CSTPP1: variants seen among roughly 807,000 people sequenced by gnomAD.
CSTPP1 encodes the protein UPF0705 protein C11orf49.
the CSTPP1 span, among the ~76,000 whole-genome samples, chr11:47,116,423 G>T: frequency 1.2e-4 from 19 of 152,142 alleles, no homozygotes; most frequent in African/African-American, 4.3e-4. Flanking sequence ...GGGTGTTAAA[G>T]TCTCCCATTA....
chr11:47,023,899 C>T, the CSTPP1 span, among the ~76,000 whole-genome samples: 1 of 152,122 alleles, frequency 6.6e-6, no homozygotes, highest in Non-Finnish European at 1.5e-5. Context: ...AGTAATATTG[C>T]TGTGAACATG....
the CSTPP1 span, among the ~76,000 whole-genome samples, chr11:46,988,288 G>A: frequency 6.6e-6 from 1 of 152,088 alleles, no homozygotes; most frequent in Non-Finnish European, 1.5e-5. Flanking sequence ...ACTGTTTAGA[G>A]TACTAAGATT....
At chr11:47,093,627 C>T in the CSTPP1 span, among the ~76,000 whole-genome samples, 15 of 152,272 alleles carry the variant, frequency 9.9e-5, no homozygotes, top group Admixed American at 9.2e-4. Context: ...TTTTGAGCCA[C>T]CAGACATAGG....
At chr11:47,156,798 C>T in the CSTPP1 span, among the ~76,000 whole-genome samples, 1 of 152,188 alleles carries the variant, frequency 6.6e-6, no homozygotes, top group Admixed American at 6.5e-5. Context: ...CCAGGAACAA[C>T]TGAGCCAAGG....
chr11:47,069,206 C>T, the CSTPP1 span, among the ~76,000 whole-genome samples: 1 of 152,170 alleles, frequency 6.6e-6, no homozygotes, highest in Admixed American at 6.5e-5. Flanking sequence ...TTCAACCCTT[C>T]CCCATTGTGT....
the CSTPP1 span, among the ~76,000 whole-genome samples, chr11:46,994,575 C>T: frequency 6.6e-6 from 1 of 152,098 alleles, no homozygotes; most frequent in Non-Finnish European, 1.5e-5. Flanking sequence ...TGATGGATTA[C>T]ATTTATTGAT....
chr11:47,090,314 A>G, the CSTPP1 span, among the ~76,000 whole-genome samples: 2 of 152,190 alleles, frequency 1.3e-5, no homozygotes, highest in Non-Finnish European at 2.9e-5. Flanking sequence ...GGTATCTACT[A>G]TGGTCCAAGA....
At chr11:46,962,651 G>C in the CSTPP1 span, among the ~76,000 whole-genome samples, 1 of 152,020 alleles carries the variant, frequency 6.6e-6, no homozygotes, top group Non-Finnish European at 1.5e-5. Context: ...ATACTTCTTT[G>C]TTAAATGTGT....
the CSTPP1 span, among the ~76,000 whole-genome samples, chr11:46,937,937 A>G: frequency 5.9e-4 from 90 of 152,164 alleles, no homozygotes; most frequent in African/African-American, 2.1e-3. Context: ...CCTGTTGCCC[A>G]GGCTGGAGTA....
At chr11:47,052,472 T>C in the CSTPP1 span, 1 of 1,614,110 alleles carries the variant, frequency 6.2e-7, no homozygotes, top group Admixed American at 1.7e-5. Flanking sequence ...GGGTATCATT[T>C]TTACGGGCCT....
chr11:47,002,145 C>T, the CSTPP1 span, among the ~76,000 whole-genome samples: 1 of 151,484 alleles, frequency 6.6e-6, no homozygotes, highest in Non-Finnish European at 1.5e-5. Context: ...AGAAAATTAC[C>T]CGTTTCTCAT....
the CSTPP1 span, chr11:47,052,507 G>A: frequency 6.2e-7 from 1 of 1,612,992 alleles, no homozygotes; most frequent in Non-Finnish European, 8.5e-7. Context: ...CGAACTGTGG[G>A]CAAAAATGGC....
At chr11:47,076,820 C>A in the CSTPP1 span, among the ~76,000 whole-genome samples, 5 of 148,270 alleles carry the variant, frequency 3.4e-5, no homozygotes, top group East Asian at 2.0e-4. Flanking sequence ...GGTGATGGAG[C>A]AAGACTCTGT....
At chr11:47,046,338 G>C in the CSTPP1 span, among the ~76,000 whole-genome samples, 1 of 149,144 alleles carries the variant, frequency 6.7e-6, no homozygotes, top group Non-Finnish European at 1.5e-5. Context: ...AAAGTTGCAG[G>C]GGACAAGAGC....
the CSTPP1 span, among the ~76,000 whole-genome samples, chr11:47,046,660 CT>C: frequency 0.095 from 7,603 of 80,020 alleles, 71 homozygotes; most frequent in Middle Eastern, 0.16. Context: ...ATCTTCTTTT[CT>C]TTTTTTTTTT....
chr11:46,944,788 ACTC>A, the CSTPP1 span, among the ~76,000 whole-genome samples: 1 of 151,392 alleles, frequency 6.6e-6, no homozygotes, highest in African/African-American at 2.4e-5. Context: ...GCTCTCCCAG[ACTC>A]CTCCGGCTTC....
chr11:47,036,237 T>A, the CSTPP1 span, among the ~76,000 whole-genome samples: 54 of 53,836 alleles, frequency 1.0e-3, 2 homozygotes, highest in South Asian at 0.026. Flanking sequence ...TATAATATAT[T>A]ATATTTATAT....
At chr11:46,992,236 TTTA>T in the CSTPP1 span, among the ~76,000 whole-genome samples, 3 of 151,900 alleles carry the variant, frequency 2.0e-5, no homozygotes, top group Non-Finnish European at 4.4e-5. Context: ...ATTTTTTTTA[TTTA>T]TTATTATTTT....
the CSTPP1 span, among the ~76,000 whole-genome samples, chr11:47,146,062 T>A: frequency 6.6e-6 from 1 of 152,018 alleles, no homozygotes; most frequent in Non-Finnish European, 1.5e-5. Flanking sequence ...AACTTTTTAA[T>A]AAAGAATTCC....
Sources: gnomAD v4.1 joint callset for allele counts (sites outside exome capture counted in the v4.1 genomes callset) on GRCh38, gnomAD v4.1.1 for gene constraint, MANE v1.5 for transcripts, NCBI Gene and HGNC (gene_info 2026-07-23, HGNC 2026-07-21) for gene names.